The following FAM120AOS variants were observed in gnomAD, a reference collection of about 807,000 sequenced individuals.
FAM120AOS encodes the protein family with sequence similarity 120 member A opposite strand.
FAM120AOS carries 15 observed loss-of-function variants against 20.2 expected under a neutral mutation model. The observed-to-expected ratio is 0.74, with a 90% confidence interval of 0.50 to 1.15. The LOEUF (loss-of-function observed/expected upper bound fraction) is 1.15. Among genes scored for constraint, FAM120AOS ranks in the 50% most tolerant of loss-of-function variants. The pLI is 0.00. For synonymous variants in FAM120AOS, 154 were observed against 154.0 expected (o/e 1.00, Z 0.00); for missense variants, 327 against 351.9 (o/e 0.93, Z 0.57).
intron 2 of FAM120AOS, among the ~76,000 whole-genome samples, chr9:93,449,580 C>G (rs1856999562): frequency 6.6e-6 from 1 of 150,680 alleles, no homozygotes; most frequent in Non-Finnish European, 1.5e-5. Flanking sequence ...CTCCACCTCC[C>G]AGGTTCAAGC....
chr9:93,448,406 T>C (rs890689971), intron 2 of FAM120AOS: 2 of 184,104 alleles, frequency 1.1e-5, no homozygotes, highest in African/African-American at 2.4e-5. Context: ...AGGCAGGAGA[T>C]CACTTGAACC....
chr9:93,451,450 C>G (rs1857185162), intron 1 of FAM120AOS: 29 of 1,209,958 alleles, frequency 2.4e-5, no homozygotes, highest in Non-Finnish European at 3.0e-5. Flanking sequence ...GGCGGGCGAA[C>G]GGCCTCTGGC....
At position 93,452,426 on chromosome 9, in the gene FAM120AOS, C is replaced by T. The variant is rs1169871577; in HGVS notation, c.284G>A (p.Gly95Asp). The change falls in exon 1 of 3, where the codon GGC (glycine) becomes GAC (aspartate). Residue 95 changes from glycine to aspartate, a missense_variant. By Grantham distance (94) the Gly-to-Asp change is moderately conservative. This residue lies in a region of FAM120AOS where 86 missense variants were observed against 140.2 expected (regional missense o/e 0.61). Coordinates refer to ENST00000375412, the MANE Select transcript of FAM120AOS (RefSeq NM_198841.4). The surrounding 1 kb of genome is among the most constrained non-coding windows in gnomAD (Gnocchi z 7.0). The stretch of plus-strand genomic sequence containing the variant: ...GATCCGGGCGGGCCGGGGACCGGGG[C>T]CGCGCCGCACCCCTATCCCCCTTCC... The part of the protein sequence containing the change: ...ALGRGIGVRR[G>D]PGPRPARIPG... 1.5e-5 allele frequency: 24 copies of T among 1,572,420 alleles called. No homozygotes were observed. Among genetic ancestry groups the T allele is most frequent in the Non-Finnish European group, 2.1e-5 (24 of 1,161,020 alleles).
rs1185116325 is a variant in FAM120AOS at position 93,451,256 on chromosome 9, C to G, written c.564-657G>C. On this transcript the variant is annotated intron_variant, in intron 1 of 2. Coordinates refer to ENST00000375412, the MANE Select transcript of FAM120AOS (RefSeq NM_198841.4). ...GGCGGCGTCCCGACGAACAGAGTGA[C>G]TCGGCCTCGGCTCCCCTTCAAAGCG... is the stretch of plus-strand genomic sequence containing the variant. 6.7e-6 allele frequency: 10 copies of G among 1,498,676 alleles called. No homozygotes were observed. In the Admixed American group the frequency reaches 1.7e-4, roughly 26 times the overall value. 92.8% of individuals were successfully genotyped at this position (1,498,676 alleles called of 1,614,324 possible).
At position 93,451,881 on chromosome 9, in the gene FAM120AOS, C is replaced by CCGCCCG. The variant is rs1039601442; in HGVS notation, c.563+260_563+265dup. ...CCACCACCCCCGGCCCCGCCGCCCC[C>CCGCCCG]CGCCCGCACCCGCGCCCGCGCCCCC... is the stretch of plus-strand genomic sequence containing the variant. On this transcript the variant is annotated intron_variant, in intron 1 of 2. Transcript: ENST00000375412. 7 of 1,208,586 alleles carry CCGCCCG rather than the reference C, an allele frequency of 5.8e-6. No homozygotes were observed. In the South Asian group the frequency reaches 2.1e-4, roughly 36 times the overall value. The allele number at this position is 1,208,586 out of a possible 1,614,324, so 74.9% of individuals were successfully genotyped here. A position where few individuals can be genotyped will look rare whatever the true frequency, so the allele number is the denominator to read the frequency against.
At chr9:93,451,625 G>A (rs1857206590) in intron 1 of FAM120AOS, 14 of 981,906 alleles carry the variant, frequency 1.4e-5, no homozygotes, top group African/African-American at 3.5e-5. Context: ...CGCGCCGGGC[G>A]GGTCCGCTAC....
chr9:93,451,261 C>T (rs1354029287), intron 1 of FAM120AOS: 2 of 1,492,200 alleles, frequency 1.3e-6, no homozygotes, highest in Non-Finnish European at 1.8e-6. Flanking sequence ...AGTGACTCGG[C>T]CTCGGCTCCC....
chr9:93,453,585 A>T, upstream of FAM120AOS: 2 of 985,368 alleles, frequency 2.0e-6, no homozygotes, highest in Middle Eastern at 1.0e-3. Context: ...TAAGCCTAAA[A>T]TGATAGCGGA....
chr9:93,450,394 C>A (rs1588748036), intron 2 of FAM120AOS, 85 bp downstream of exon 2: 3 of 1,487,582 alleles, frequency 2.0e-6, no homozygotes, highest in Non-Finnish European at 2.7e-6. Flanking sequence ...TCCTAAAATA[C>A]CAGCAGCATT....
chr9:93,451,860 C>G (rs1398879759), intron 1 of FAM120AOS: 25 of 1,021,122 alleles, frequency 2.4e-5, no homozygotes, highest in Non-Finnish European at 2.9e-5. Flanking sequence ...ACGGCCCCAC[C>G]ACCCCCGGCC....
chr9:93,452,836 G>T lies in FAM120AOS; in HGVS notation c.-127C>A. On this transcript the variant is annotated 5_prime_UTR_variant, in exon 1 of 3. Coordinates refer to ENST00000375412, the MANE Select transcript of FAM120AOS (RefSeq NM_198841.4). This position sits in a 1 kb window ranked among gnomAD's most constrained non-coding sequence, Gnocchi z 7.0. ...GCAGGCAGGATACAGAGTAATAGAG[G>T]GGGTTTCGCCAGAGCCCTTGGGGGC... is the stretch of plus-strand genomic sequence containing the variant. 1 of 1,533,184 alleles carries T rather than the reference G, an allele frequency of 6.5e-7. No homozygotes were observed. 95.0% of individuals were successfully genotyped at this position (1,533,184 alleles called of 1,614,324 possible).
intron 1 of FAM120AOS, chr9:93,451,655 C>T: frequency 1.0e-6 from 1 of 981,578 alleles, no homozygotes; most frequent in African/African-American, 1.8e-5. Flanking sequence ...GCCCGCCCGC[C>T]CCGCCCCGGC....
At chr9:93,448,480 A>G (rs369177439) in intron 2 of FAM120AOS, 36 of 217,246 alleles carry the variant, frequency 1.7e-4, no homozygotes, top group African/African-American at 5.2e-4. Flanking sequence ...GCAACAGAGC[A>G]AGACTCCATC....
Position 93,447,496 on chromosome 9 carries a change from C to CT in FAM120AOS, c.*114dup. ...AACACCCTCCAATATAGAGAGAACTCTGAAACCAGAAGCAGAAGCTGAGGA... is the reference window on the plus strand; with the variant it reads ...AACACCCTCCAATATAGAGAGAACTCTTGAAACCAGAAGCAGAAGCTGAGGA... On this transcript the variant is annotated 3_prime_UTR_variant, in exon 3 of 3. Transcript: ENST00000375412. 1.0e-6 allele frequency: 1 copy of CT among 981,438 alleles called. No individual in the cohort carries two copies. Among genetic ancestry groups the CT allele is most frequent in the Middle Eastern group, 2.1e-4 (1 of 4,708 alleles). 60.8% of individuals were successfully genotyped at this position (981,438 alleles called of 1,614,324 possible). A position where few individuals can be genotyped will look rare whatever the true frequency, so the allele number is the denominator to read the frequency against.
Position 93,444,833 on chromosome 9 carries a change from T to C in FAM120AOS, c.*2778A>G, listed in dbSNP as rs1336669026. Among the ~76,000 whole-genome samples the C allele has an allele frequency of 6.6e-6, 1 of 152,090 alleles. No homozygotes were observed. The highest frequency in any genetic ancestry group is 1.5e-5 in the Non-Finnish European group (1 of 68,016). On this transcript the variant is annotated 3_prime_UTR_variant, in exon 3 of 3. Coordinates refer to ENST00000375412, the MANE Select transcript of FAM120AOS (RefSeq NM_198841.4). ...TTCTCCATGTTTGTCAGGCTGGTCT[T>C]GAACTCCCGACCTCAGGTGATCCAC...
chr9:93,452,952 A>AC lies in FAM120AOS; in HGVS notation c.-244dup. The AC allele has an allele frequency of 6.5e-6, 9 of 1,387,200 alleles. No individual in the cohort carries two copies. The highest frequency in any genetic ancestry group is 8.4e-6 in the Non-Finnish European group (9 of 1,075,582). The allele number at this position is 1,387,200 out of a possible 1,614,324, so 85.9% of individuals were successfully genotyped here. A position where few individuals can be genotyped will look rare whatever the true frequency, so the allele number is the denominator to read the frequency against. On this transcript the variant is annotated 5_prime_UTR_variant, in exon 1 of 3. Coordinates refer to ENST00000375412, the MANE Select transcript of FAM120AOS (RefSeq NM_198841.4). The surrounding 1 kb of genome is among the most constrained non-coding windows in gnomAD (Gnocchi z 7.0). Reference sequence around the variant, plus strand: ...TCTAAGGGCCAGTGCCCTGGCCTCTACTTCAGAACGCAGTGCCCTGTCCGT... The same window carrying AC: ...TCTAAGGGCCAGTGCCCTGGCCTCTACCTTCAGAACGCAGTGCCCTGTCCGT...
At position 93,452,287 on chromosome 9, in the gene FAM120AOS, C is replaced by T. The variant is rs1857274555; in HGVS notation, c.423G>A (p.Trp141Ter). The T allele has an allele frequency of 6.2e-7, 1 of 1,612,702 alleles. No homozygotes were observed. Among genetic ancestry groups the T allele is most frequent in the Non-Finnish European group, 8.5e-7 (1 of 1,179,886 alleles). The change falls in exon 1 of 3, where the codon TGG becomes TGA. Residue 141 changes from tryptophan (W) to a stop codon, truncating the protein, a stop_gained. Transcript: ENST00000375412. LOFTEE classifies it high-confidence loss of function. This position sits in a 1 kb window ranked among gnomAD's most constrained non-coding sequence, Gnocchi z 7.0. Reference sequence around the variant, plus strand: ...GCCAGACGGCACAGCAGATCGTCAGCCATGTCCAGAACAAGGGCACCCCGC... The same window carrying T: ...GCCAGACGGCACAGCAGATCGTCAGTCATGTCCAGAACAAGGGCACCCCGC... Reference protein sequence around the residue: ...FGGGVPLFWTWLTICCAVWRS... With the variant: ...FGGGVPLFWT
rs1023631008 is a variant in FAM120AOS at position 93,444,645 on chromosome 9, G to A, written c.*2966C>T. Among the ~76,000 whole-genome samples, 8 of 149,544 alleles carry A rather than the reference G, an allele frequency of 5.3e-5. No individual in the cohort carries two copies. Among genetic ancestry groups the A allele is most frequent in the Non-Finnish European group, 1.0e-4 (7 of 67,624 alleles). ...TTTTTTTTTCCTGAGACGGAGTTTCGCTCTTGTTGCCCAGGCTGGAGTGCA... is the reference window on the plus strand; with the variant it reads ...TTTTTTTTTCCTGAGACGGAGTTTCACTCTTGTTGCCCAGGCTGGAGTGCA... On this transcript the variant is annotated 3_prime_UTR_variant, in exon 3 of 3. Transcript: ENST00000375412.
chr9:93,452,307 C>A lies in FAM120AOS; in HGVS notation c.403G>T (p.Val135Leu). 6.2e-7 allele frequency: 1 copy of A among 1,612,990 alleles called. No homozygotes were observed. The highest frequency in any genetic ancestry group is 8.5e-7 in the Non-Finnish European group (1 of 1,179,878). The stretch of plus-strand genomic sequence containing the variant: ...GTCAGCCATGTCCAGAACAAGGGCA[C>A]CCCGCCGCCAAAGGTCTGGTTCCTG... ...GGRNQTFGGG[V>L]PLFWTWLTIC... The change falls in exon 1 of 3, where the codon GTG (valine) becomes TTG (leucine). Residue 135 changes from valine (V) to leucine (L), a missense_variant. Transcript: ENST00000375412. The surrounding 1 kb of genome is among the most constrained non-coding windows in gnomAD (Gnocchi z 7.0).
Sources: allele counts gnomAD v4.1 joint callset (sites outside exome capture counted in the v4.1 genomes callset), GRCh38; gene constraint gnomAD v4.1.1; regional missense constraint gnomAD v4.1.1; non-coding constraint Gnocchi (gnomAD v3.1); transcripts MANE v1.5; gene names NCBI Gene and HGNC (gene_info 2026-07-23, HGNC 2026-07-21).